The following TDRD9 variants were observed in gnomAD, a reference collection of about 807,000 sequenced individuals.
The protein encoded by TDRD9 is tudor domain containing 9.
In TDRD9, 124 loss-of-function variants were observed where a neutral mutation model predicts 172.6. The observed-to-expected ratio is 0.72, with a 90% CI of 0.62 to 0.83. The LOEUF (loss-of-function observed/expected upper bound fraction) is 0.83, where lower values mean the gene tolerates loss of function less well. TDRD9 is among the 40% of genes least tolerant of loss of function. The pLI is 0.00. For synonymous variants in TDRD9, 619 were observed against 617.1 expected, an observed-to-expected ratio of 1.00 and a Z score of -0.05; for missense variants, 1,479 against 1,714.1, an observed-to-expected ratio of 0.86 and a Z score of 2.42.
intron 3 of TDRD9, among the ~76,000 whole-genome samples, chr14:103,964,151 C>T (rs549623481): frequency 6.6e-6 from 1 of 152,168 alleles, no homozygotes; most frequent in East Asian, 1.9e-4. Context: ...GCTGAGGTGG[C>T]AGGATGGCTT....
At chr14:103,987,123 TACACAC>T (rs143714763) in intron 8 of TDRD9, among the ~76,000 whole-genome samples, 2,618 of 145,728 alleles carry the variant, frequency 0.018, 41 homozygotes, top group African/African-American at 0.042. Flanking sequence ...AAAAAATATA[TACACAC>T]ACACACACAC....
chr14:103,952,237 T>TA (rs2031961217), intron 1 of TDRD9, among the ~76,000 whole-genome samples: 1 of 63,872 alleles, frequency 1.6e-5, no homozygotes, highest in South Asian at 5.7e-4. Context: ...TTTTTTTTTT[T>TA]TTTTTTTTTT....
At chr14:104,038,301 C>G (rs2035511338) in intron 32 of TDRD9, among the ~76,000 whole-genome samples, 1 of 152,120 alleles carries the variant, frequency 6.6e-6, no homozygotes, top group Non-Finnish European at 1.5e-5. Context: ...ATTAAACAAA[C>G]AAAAAATTGA....
chr14:104,009,761 A>G (rs142006134), intron 20 of TDRD9, among the ~76,000 whole-genome samples: 45 of 151,926 alleles, frequency 3.0e-4, no homozygotes, highest in East Asian at 2.9e-3. Flanking sequence ...GTTTTTATCT[A>G]TTTCCTTATT....
At chr14:103,996,375 G>A (rs2034060124) in intron 12 of TDRD9, among the ~76,000 whole-genome samples, 1 of 152,158 alleles carries the variant, frequency 6.6e-6, no homozygotes, top group South Asian at 2.1e-4. Context: ...CGTTCTGGTG[G>A]GAGAGAGAGA....
chr14:104,051,391 T>G (rs527467465), intron 35 of TDRD9, among the ~76,000 whole-genome samples: 1 of 152,352 alleles, frequency 6.6e-6, no homozygotes, highest in South Asian at 2.1e-4. Context: ...TTTGCTATTG[T>G]GAATAGTGCT....
intron 1 of TDRD9, among the ~76,000 whole-genome samples, chr14:103,953,340 GTTA>G (rs1432762446): frequency 6.6e-6 from 1 of 152,148 alleles, no homozygotes; most frequent in Non-Finnish European, 1.5e-5. Flanking sequence ...CTGGTACACT[GTTA>G]TTGTTGAGTG....
intron 32 of TDRD9, among the ~76,000 whole-genome samples, chr14:104,039,413 C>T (rs12589390): frequency 0.51 from 77,208 of 151,428 alleles, 21,016 homozygotes; most frequent in South Asian, 0.63. Flanking sequence ...ACAGTCACAG[C>T]TAGACCACTG....
intron 6 of TDRD9, among the ~76,000 whole-genome samples, chr14:103,971,492 G>T (rs1426695115): frequency 6.6e-6 from 1 of 151,770 alleles, no homozygotes; most frequent in Non-Finnish European, 1.5e-5. Context: ...GTAGTTTTTG[G>T]TATAGATGGG....
At chr14:103,994,123 G>A (rs183313211) in intron 9 of TDRD9, among the ~76,000 whole-genome samples, 28 of 152,292 alleles carry the variant, frequency 1.8e-4, no homozygotes, top group African/African-American at 6.7e-4. Flanking sequence ...TGGAATAATA[G>A]GGTTTTTCCC....
chr14:103,978,402 G>A (rs951542872), intron 7 of TDRD9, among the ~76,000 whole-genome samples: 2 of 152,132 alleles, frequency 1.3e-5, no homozygotes, highest in African/African-American at 4.8e-5. Context: ...TAGGGAAAAT[G>A]CTTCAGGACA....
At chr14:103,992,800 C>T (rs1240229498) in intron 9 of TDRD9, among the ~76,000 whole-genome samples, 1 of 151,608 alleles carries the variant, frequency 6.6e-6, no homozygotes, top group African/African-American at 2.4e-5. Context: ...TGGCGGGCAC[C>T]TGTGGTCCCA....
chr14:104,010,623 A>G (rs907995402), intron 20 of TDRD9, among the ~76,000 whole-genome samples: 6 of 152,012 alleles, frequency 3.9e-5, no homozygotes, highest in Non-Finnish European at 1.5e-5. Context: ...ATTTAAAAAA[A>G]AAATAGGAGT....
intron 30 of TDRD9, among the ~76,000 whole-genome samples, chr14:104,032,305 C>G (rs1293324393): frequency 6.6e-6 from 1 of 152,148 alleles, no homozygotes; most frequent in Non-Finnish European, 1.5e-5. Context: ...CTCCCAGATT[C>G]AAGCAATTCT....
At chr14:103,949,451 A>T (rs555539420) in intron 1 of TDRD9, among the ~76,000 whole-genome samples, 2 of 152,228 alleles carry the variant, frequency 1.3e-5, no homozygotes, top group Admixed American at 1.3e-4. Context: ...AATCCTCCAA[A>T]CAAAAACAAT....
intron 1 of TDRD9, chr14:103,941,141 AT>A (rs2031204114): frequency 6.9e-7 from 1 of 1,443,180 alleles, no homozygotes; most frequent in Non-Finnish European, 9.3e-7. Flanking sequence ...AGTTTAGAAC[AT>A]TTTTTGTTAT....
chr14:104,000,692 C>T (rs1267919394), intron 13 of TDRD9, among the ~76,000 whole-genome samples: 2 of 151,928 alleles, frequency 1.3e-5, no homozygotes, highest in African/African-American at 4.8e-5. Flanking sequence ...GGCTGAGTTA[C>T]GAGAATTGCT....
At chr14:104,048,566 G>T (rs1347302715) in intron 34 of TDRD9, among the ~76,000 whole-genome samples, 1 of 152,108 alleles carries the variant, frequency 6.6e-6, no homozygotes. Flanking sequence ...AGCTAAGTAT[G>T]GGTTGAAAAG....
At chr14:104,035,985 C>A (rs890106017) in intron 32 of TDRD9, among the ~76,000 whole-genome samples, 1 of 146,404 alleles carries the variant, frequency 6.8e-6, no homozygotes, top group African/African-American at 2.5e-5. Flanking sequence ...ATGTGTAGTG[C>A]TTTTTTTTTT....
Sources: gnomAD v4.1 joint callset for allele counts (sites outside exome capture counted in the v4.1 genomes callset) on GRCh38, gnomAD v4.1.1 for gene constraint, MANE v1.5 for transcripts, NCBI Gene and HGNC (gene_info 2026-07-23, HGNC 2026-07-21) for gene names.